SFMBT2: variants seen among roughly 807,000 people sequenced by gnomAD.
SFMBT2 encodes the protein Scm like with four mbt domains 2.
SFMBT2 carries 38 observed loss-of-function variants against 110.1 expected under a neutral mutation model. The ratio of observed to expected loss-of-function variants is 0.35; its 90% CI spans 0.27 to 0.45. The LOEUF (loss-of-function observed/expected upper bound fraction) is 0.45, where lower values mean the gene tolerates loss of function less well. Ranked by LOEUF, SFMBT2 falls within the 20% of genes least tolerant of loss-of-function variation. The pLI, the probability that SFMBT2 is intolerant of heterozygous loss-of-function variation, is 1.00. For missense variants in SFMBT2, 1,011 were observed against 1,094.9 expected (o/e 0.92, Z 1.08); for synonymous variants, 425 against 425.4 (o/e 1.00, Z 0.01).
rs117181717 is a variant in SFMBT2, at chr10:7,305,951, C to T, written c.437-19997G>A. On this transcript the variant is annotated intron_variant, in intron 4 of 20. Transcript: ENST00000397167. ...ACTGGAACACGATTCAAAGCAGAGT[C>T]TGAAAGAAATTAGCCTTCAGTGTTA... is the stretch of plus-strand genomic sequence containing the variant. 1.9e-3 allele frequency among the ~76,000 whole-genome samples: 290 copies of T among 152,358 alleles called. 4 individuals carry two copies. The East Asian group carries it at 0.044, about 23-fold the overall frequency.
intron 4 of SFMBT2, among the ~76,000 whole-genome samples, chr10:7,319,509 G>A (rs990152755): frequency 1.8e-4 from 27 of 152,142 alleles, no homozygotes; most frequent in African/African-American, 6.3e-4. Flanking sequence ...ACTTATTTCC[G>A]GATGTCTTAA....
At position 7,284,133 on chromosome 10, in the gene SFMBT2, G is replaced by C; in HGVS notation, c.543C>G (p.Gly181=). 6.2e-7 allele frequency: 1 copy of C among 1,613,896 alleles called. No homozygotes were observed. Among genetic ancestry groups the C allele is most frequent in the Non-Finnish European group, 8.5e-7 (1 of 1,179,966 alleles). Residue 181 remains glycine (G), a synonymous_variant, in exon 6 of 21, where the codon GGC becomes GGG. Transcript: ENST00000397167. ...NLLEGPLRGK[G]PIDLITVGSL... ...AACCAACTGTAATGAGGTCTATAGG[G>C]CCTTTCCCTCGCAGAGGCTGTTTAA... is the stretch of plus-strand genomic sequence containing the variant.
rs1842072275 is a variant in SFMBT2 at position 7,285,911 on chromosome 10, A to G, written c.480T>C (p.Arg160=). ...KYTDWTEFLI[R]DLTGSRTAPA... ...GTGCTGTCCTCGAACCAGTCAAGTC[A>G]CGTATGAGAAATTCTGTCCAGTCTG... is the stretch of plus-strand genomic sequence containing the variant. The change falls in exon 5 of 21, where the codon CGT becomes CGC. Residue 160 remains arginine (R), a synonymous_variant. Coordinates refer to ENST00000397167, the MANE Select transcript of SFMBT2 (RefSeq NM_001387889.1). 2 of 872,598 alleles carry G rather than the reference A, an allele frequency of 2.3e-6. No homozygotes were observed. Among genetic ancestry groups the G allele is most frequent in the Non-Finnish European group, 4.0e-6 (2 of 501,668 alleles). 54.1% of individuals were successfully genotyped at this position (872,598 alleles called of 1,614,324 possible). A position where few individuals can be genotyped will look rare whatever the true frequency, so the allele number is the denominator to read the frequency against.
chr10:7,194,830 G>A (rs576718802), intron 15 of SFMBT2, among the ~76,000 whole-genome samples: 12 of 152,190 alleles, frequency 7.9e-5, no homozygotes, highest in East Asian at 5.8e-4. Flanking sequence ...AAATTTGGCC[G>A]CTGGCACTTA....
intron 4 of SFMBT2, among the ~76,000 whole-genome samples, chr10:7,319,920 C>G (rs555399935): frequency 4.7e-4 from 62 of 132,886 alleles, no homozygotes; most frequent in South Asian, 7.6e-4. Context: ...GAGAGAGAGA[C>G]AGAGAGACTG....
At chr10:7,247,387 G>A (rs1207073877) in intron 8 of SFMBT2, among the ~76,000 whole-genome samples, 2 of 152,146 alleles carry the variant, frequency 1.3e-5, no homozygotes, top group Non-Finnish European at 2.9e-5. Context: ...AAAGTGCCAG[G>A]ATTACAGGCA....
At chr10:7,384,984 A>C (rs917506093) in intron 1 of SFMBT2, among the ~76,000 whole-genome samples, 6 of 152,344 alleles carry the variant, frequency 3.9e-5, no homozygotes, top group Middle Eastern at 3.4e-3. Context: ...AGCAGAGGAA[A>C]GGCTGCCTGC....
At chr10:7,223,437 CT>C (rs1370383642) in intron 10 of SFMBT2, among the ~76,000 whole-genome samples, 1 of 152,038 alleles carries the variant, frequency 6.6e-6, no homozygotes, top group African/African-American at 2.4e-5. Flanking sequence ...GATGAAATGT[CT>C]TTTTTAATTC....
intron 9 of SFMBT2, among the ~76,000 whole-genome samples, chr10:7,230,416 G>A (rs968530778): frequency 2.0e-5 from 3 of 152,170 alleles, no homozygotes; most frequent in African/African-American, 4.8e-5. Context: ...CACTTTGAGC[G>A]TAGTTTCTCT....
intron 2 of SFMBT2, among the ~76,000 whole-genome samples, chr10:7,373,787 G>C (rs559018192): frequency 2.2e-4 from 34 of 152,322 alleles, no homozygotes; most frequent in African/African-American, 6.7e-4. Flanking sequence ...AAGAGGAGAA[G>C]AGTGGACTGA....
chr10:7,330,479 A>G (rs1322620473), intron 4 of SFMBT2, among the ~76,000 whole-genome samples: 1 of 152,080 alleles, frequency 6.6e-6, no homozygotes, highest in East Asian at 1.9e-4. Flanking sequence ...AGGGACATAC[A>G]CCACCCACCC....
In SFMBT2 at chr10:7,356,368, A is replaced by G. The variant is rs983439844; in HGVS notation, c.436+11281T>C. 5.9e-5 allele frequency among the ~76,000 whole-genome samples: 9 copies of G among 152,268 alleles called. No homozygotes were observed. In the South Asian group the frequency reaches 1.9e-3, roughly 32 times the overall value. The stretch of plus-strand genomic sequence containing the variant: ...ATTTCAAAGGAGTTCAAGGCAACCC[A>G]TGATGAAGGCACACTAGCTACTGCG... On this transcript the variant is annotated intron_variant, in intron 4 of 20. Coordinates refer to ENST00000397167, the MANE Select transcript of SFMBT2 (RefSeq NM_001387889.1).
chr10:7,401,413 G>T (rs1201507583), intron 1 of SFMBT2, among the ~76,000 whole-genome samples: 1 of 152,202 alleles, frequency 6.6e-6, no homozygotes, highest in Non-Finnish European at 1.5e-5. Flanking sequence ...AGCACACGGA[G>T]CTGGAGGAGT....
intron 12 of SFMBT2, chr10:7,203,479 A>G (rs761048934): frequency 2.1e-5 from 5 of 236,742 alleles, no homozygotes; most frequent in East Asian, 1.8e-4. Context: ...CAAAATCCTA[A>G]AGGAGGAGGA....
At chr10:7,339,365 T>C (rs1181300086) in intron 4 of SFMBT2, among the ~76,000 whole-genome samples, 1 of 152,142 alleles carries the variant, frequency 6.6e-6, no homozygotes, top group Non-Finnish European at 1.5e-5. Context: ...CACAAAGGAG[T>C]TGGATGCTTT....
In SFMBT2 at chr10:7,160,690, G is replaced by GC. The variant is rs1837528659; in HGVS notation, c.*3079dup. 1 of 152,222 alleles carries GC rather than the reference G, an allele frequency of 6.6e-6. No individual in the cohort carries two copies. The highest frequency in any genetic ancestry group is 1.5e-5 in the Non-Finnish European group (1 of 68,072). The allele number at this position is 152,222 out of a possible 1,614,324, so 9.4% of individuals were successfully genotyped here. Reference sequence around the variant, plus strand: ...GTCAAATCCACTTTTTCTGGCAAAAGCAACAAGGACACACACAGAAAAATG... The same window carrying GC: ...GTCAAATCCACTTTTTCTGGCAAAAGCCAACAAGGACACACACAGAAAAATG... On this transcript the variant is annotated 3_prime_UTR_variant, in exon 21 of 21. Transcript: ENST00000397167.
intron 7 of SFMBT2, among the ~76,000 whole-genome samples, chr10:7,269,062 ATTAT>A (rs987202030): frequency 3.3e-5 from 5 of 151,992 alleles, no homozygotes; most frequent in African/African-American, 1.2e-4. Flanking sequence ...AAAAAAAGTC[ATTAT>A]TTATTTTTCA....
At chr10:7,251,698 T>C (rs1840817260) in intron 7 of SFMBT2, among the ~76,000 whole-genome samples, 1 of 152,152 alleles carries the variant, frequency 6.6e-6, no homozygotes, top group African/African-American at 2.4e-5. Context: ...AACTCAGAGG[T>C]GCCCTCAGTC....
chr10:7,194,546 G>A (rs1264901032), intron 15 of SFMBT2, among the ~76,000 whole-genome samples: 2 of 152,092 alleles, frequency 1.3e-5, no homozygotes, highest in East Asian at 3.9e-4. Context: ...AACACCGATG[G>A]CCAGGAAAAG....
Sources: gnomAD v4.1 joint callset for allele counts (sites outside exome capture counted in the v4.1 genomes callset) on GRCh38, gnomAD v4.1.1 for gene constraint, MANE v1.5 for transcripts, NCBI Gene and HGNC (gene_info 2026-07-23, HGNC 2026-07-21) for gene names.